Variants in SLC26A7 observed in about 807,000 individuals in gnomAD.
SLC26A7 encodes solute carrier family 26 member 7, also known as anion exchange transporter.
A neutral mutation model predicts 82.5 loss-of-function variants in SLC26A7; 59 were observed. The observed-to-expected ratio is 0.72, with a 90% CI of 0.58 to 0.89. The LOEUF is 0.89. Among genes scored for constraint, SLC26A7 ranks in the 40% least tolerant of loss-of-function variants. SLC26A7 has a pLI of 0.00. For synonymous variants in SLC26A7, 271 were observed against 274.3 expected (o/e 0.99, Z 0.12); for missense variants, 820 against 793.0 (o/e 1.03, Z -0.41).
chr8:91,375,738 C>G (rs968863044), intron 15 of SLC26A7, among the ~76,000 whole-genome samples: 1 of 150,642 alleles, frequency 6.6e-6, no homozygotes, highest in African/African-American at 2.4e-5. Flanking sequence ...TACAGTATCT[C>G]ACATGTGTTT....
chr8:91,370,336 C>G (rs1182331545), intron 15 of SLC26A7, among the ~76,000 whole-genome samples: 3 of 151,112 alleles, frequency 2.0e-5, no homozygotes, highest in Non-Finnish European at 4.4e-5. Flanking sequence ...CTTCTTCCTC[C>G]TCTCCCACCT....
chr8:91,266,174 C>T (rs1811107630), intron 2 of SLC26A7, among the ~76,000 whole-genome samples: 1 of 151,748 alleles, frequency 6.6e-6, no homozygotes, highest in Admixed American at 6.6e-5. Flanking sequence ...TAGTGTAATG[C>T]CTCCAGCTTT....
Position 91,317,446 on chromosome 8 carries a change from G to C in SLC26A7, c.478-770G>C, listed in dbSNP as rs1030812171. Among the ~76,000 whole-genome samples the C allele has an allele frequency of 1.1e-4, 16 of 152,188 alleles. 2 individuals are homozygous for C. Among genetic ancestry groups the C allele is most frequent in the East Asian group, 5.8e-4 (3 of 5,176 alleles). On this transcript the variant is annotated intron_variant, in intron 4 of 18. Transcript: ENST00000276609. ...CCTAATGTATTCTTATTAAATATTA[G>C]CCCTTAATAATTATGCCTAGTGTTC... is the stretch of plus-strand genomic sequence containing the variant.
At chr8:91,366,520 ATTGT>A in intron 13 of SLC26A7, 56 bp from the exon 14 acceptor site, 11 of 1,557,484 alleles carry the variant, frequency 7.1e-6, no homozygotes, top group African/African-American at 4.2e-5. Context: ...TTTAGATCTG[ATTGT>A]TTATTGGCTA....
At chr8:91,362,510 A>G (rs547302680) in intron 12 of SLC26A7, 51 bp downstream of exon 12, 2 of 1,386,224 alleles carry the variant, frequency 1.4e-6, no homozygotes, top group African/African-American at 1.4e-5. Flanking sequence ...AGCAAAATAC[A>G]TGGTTACTTG....
intron 11 of SLC26A7, among the ~76,000 whole-genome samples, chr8:91,355,009 G>A (rs994686262): frequency 1.3e-5 from 2 of 151,960 alleles, no homozygotes; most frequent in African/African-American, 2.4e-5. Context: ...TATTCCTTGA[G>A]CTATTTCATG....
intron 15 of SLC26A7, among the ~76,000 whole-genome samples, chr8:91,370,996 AT>A (rs1814343777): frequency 6.6e-6 from 1 of 151,912 alleles, no homozygotes; most frequent in Admixed American, 6.6e-5. Flanking sequence ...TTTGGAAATA[AT>A]TTTAGTTACA....
intron 1 of SLC26A7, among the ~76,000 whole-genome samples, chr8:91,215,585 A>C (rs530215933): frequency 1.3e-5 from 2 of 152,290 alleles, no homozygotes; most frequent in East Asian, 3.9e-4. Context: ...AATGGTGAAA[A>C]AGTAAACTGT....
chr8:91,373,819 G>T (rs1291443089), intron 15 of SLC26A7, among the ~76,000 whole-genome samples: 1 of 151,876 alleles, frequency 6.6e-6, no homozygotes, highest in Non-Finnish European at 1.5e-5. Context: ...TTCATTGTAT[G>T]TCTGGTAGAA....
At chr8:91,383,540 G>A (rs1407521048) in intron 15 of SLC26A7, among the ~76,000 whole-genome samples, 2 of 152,138 alleles carry the variant, frequency 1.3e-5, no homozygotes, top group African/African-American at 4.8e-5. Context: ...ATTTGTAGTT[G>A]AGCGCATGAT....
chr8:91,394,730 A>G (rs960075947), intron 18 of SLC26A7: 3 of 1,100,224 alleles, frequency 2.7e-6, no homozygotes, highest in Non-Finnish European at 2.3e-6. Flanking sequence ...TGCCCTCATT[A>G]TATTCCAGGA....
chr8:91,371,225 TC>T (rs1814350873), intron 15 of SLC26A7, among the ~76,000 whole-genome samples: 1 of 151,886 alleles, frequency 6.6e-6, no homozygotes, highest in Admixed American at 6.6e-5. Flanking sequence ...TTTTTTAACT[TC>T]CCTTTTTCTT....
At chr8:91,383,077 C>T (rs1032112945) in intron 15 of SLC26A7, among the ~76,000 whole-genome samples, 1 of 152,072 alleles carries the variant, frequency 6.6e-6, no homozygotes, top group Non-Finnish European at 1.5e-5. Flanking sequence ...ATGCAGCCTG[C>T]ATGGAAGGAA....
At position 91,352,991 on chromosome 8, in the gene SLC26A7, G is replaced by T. The variant is rs949220309; in HGVS notation, c.1309G>T (p.Asp437Tyr). The change falls in exon 11 of 19, where the codon GAT becomes TAT. Residue 437 changes from aspartate (D) to tyrosine (Y), a missense_variant. Coordinates refer to ENST00000276609, the MANE Select transcript of SLC26A7 (RefSeq NM_052832.4). ...AAAATATTGGAATGTGGATAAAATCGATTGGGTAAGTAGAAATTTGACCTA... is the reference window on the plus strand; with the variant it reads ...AAAATATTGGAATGTGGATAAAATCTATTGGGTAAGTAGAAATTTGACCTA... ...LKKYWNVDKI[D>Y]WGIWVSTYVF... 1.2e-6 allele frequency: 2 copies of T among 1,603,000 alleles called. No individual in the cohort carries two copies. Among genetic ancestry groups the T allele is most frequent in the Non-Finnish European group, 1.7e-6 (2 of 1,173,904 alleles).
At chr8:91,227,587 A>C (rs1034714177) in intron 2 of SLC26A7, among the ~76,000 whole-genome samples, 4 of 152,190 alleles carry the variant, frequency 2.6e-5, no homozygotes, top group Non-Finnish European at 5.9e-5. Flanking sequence ...ACAACTTTTC[A>C]CAATGGTATT....
rs76916779 is a variant in SLC26A7, at chr8:91,252,378, C to A, written c.193+2534C>A. 9.2e-3 allele frequency among the ~76,000 whole-genome samples: 1,392 copies of A among 151,912 alleles called. 28 individuals are homozygous for A. Among genetic ancestry groups the A allele is most frequent in the African/African-American group, 0.032 (1,346 of 41,444 alleles). On this transcript the variant is annotated intron_variant, in intron 2 of 18. Coordinates refer to ENST00000276609, the MANE Select transcript of SLC26A7 (RefSeq NM_052832.4). ...TTTAAATTATTTTAATAAAGTAAAT[C>A]TTTACTTTATTAAAGATTTCCTAAT... is the stretch of plus-strand genomic sequence containing the variant.
At chr8:91,265,395 A>G (rs1586338798) in intron 2 of SLC26A7, among the ~76,000 whole-genome samples, 1 of 152,068 alleles carries the variant, frequency 6.6e-6, no homozygotes, top group Admixed American at 6.6e-5. Flanking sequence ...TCCTTTGGAT[A>G]TATACCCAGT....
intron 2 of SLC26A7, among the ~76,000 whole-genome samples, chr8:91,238,694 C>T (rs534357279): frequency 1.3e-5 from 2 of 151,804 alleles, no homozygotes; most frequent in Non-Finnish European, 2.9e-5. Context: ...CCTACAATCC[C>T]GGTTATGTTA....
At chr8:91,295,812 A>T in intron 4 of SLC26A7, 109 bp downstream of exon 4, 1 of 1,070,012 alleles carries the variant, frequency 9.3e-7, no homozygotes, top group Non-Finnish European at 1.3e-6. Flanking sequence ...ATAGGTGGAT[A>T]AAGGCCTGAT....
Sources: allele counts gnomAD v4.1 joint callset (sites outside exome capture counted in the v4.1 genomes callset), GRCh38; gene constraint gnomAD v4.1.1; transcripts MANE v1.5; gene names NCBI Gene and HGNC (gene_info 2026-07-23, HGNC 2026-07-21).